The following LIN7A variants were observed in gnomAD, a reference collection of about 807,000 sequenced individuals.
The protein encoded by LIN7A is protein lin-7 homolog A.
A neutral mutation model predicts 29.8 loss-of-function variants in LIN7A; 25 were observed. That is an observed-to-expected ratio of 0.84 (90% confidence interval 0.61 to 1.17). The LOEUF (loss-of-function observed/expected upper bound fraction) is 1.17. LIN7A is among the 50% of genes most tolerant of loss of function. The probability of loss-of-function intolerance (pLI) is 0.00; values close to 1 mark genes in which losing one functional copy is unlikely to be tolerated. For missense variants in LIN7A, 239 were observed against 287.0 expected, an observed-to-expected ratio of 0.83 and a Z score of 1.21; for synonymous variants, 118 against 107.5, an observed-to-expected ratio of 1.10 and a Z score of -0.60.
intron 4 of LIN7A, among the ~76,000 whole-genome samples, chr12:80,826,865 T>A (rs1872105900): frequency 6.6e-6 from 1 of 152,090 alleles, no homozygotes; most frequent in African/African-American, 2.4e-5. Context: ...AATCTATTGA[T>A]GAGTAGAAAG....
chr12:80,798,495 T>TTGAAAACCG (rs1870562111), intron 5 of LIN7A, among the ~76,000 whole-genome samples: 1 of 152,174 alleles, frequency 6.6e-6, no homozygotes, highest in Non-Finnish European at 1.5e-5. Flanking sequence ...ACTGAGTGGA[T>TTGAAAACCG]TGAAAACCGT....
At chr12:80,846,395 T>A (rs923441785) in intron 3 of LIN7A, among the ~76,000 whole-genome samples, 3 of 152,248 alleles carry the variant, frequency 2.0e-5, no homozygotes, top group Non-Finnish European at 2.9e-5. Context: ...AGTTCATAAG[T>A]ATTTTTTTAA....
At chr12:80,886,491 AAAG>A (rs1875333213) in intron 2 of LIN7A, among the ~76,000 whole-genome samples, 2 of 72,468 alleles carry the variant, frequency 2.8e-5, no homozygotes, top group Admixed American at 1.1e-4. Flanking sequence ...TAAGAATAAT[AAAG>A]AAATTCCAAA....
At chr12:80,892,861 C>T (rs1875696874) in intron 1 of LIN7A, among the ~76,000 whole-genome samples, 1 of 152,088 alleles carries the variant, frequency 6.6e-6, no homozygotes. Context: ...ATTTTAAATC[C>T]CCTGTGTGAT....
At chr12:80,844,427 A>T (rs1872963773) in intron 4 of LIN7A, among the ~76,000 whole-genome samples, 1 of 152,224 alleles carries the variant, frequency 6.6e-6, no homozygotes, top group African/African-American at 2.4e-5. Flanking sequence ...CAAATGAATA[A>T]AATTCAAGAT....
chr12:80,866,815 C>T lies in LIN7A; in HGVS notation c.202-18493G>A, dbSNP rs747255335. 2.0e-5 allele frequency among the ~76,000 whole-genome samples: 3 copies of T among 152,114 alleles called. No homozygotes were observed. In the East Asian group the frequency reaches 5.8e-4, roughly 29 times the overall value. On this transcript the variant is annotated intron_variant, in intron 2 of 5. Transcript: ENST00000552864. ...TCATGAAGAACACCAGGTTTTTACACCTCTGGAATTCTTAGAATGCCAGCT... is the reference window on the plus strand; with the variant it reads ...TCATGAAGAACACCAGGTTTTTACATCTCTGGAATTCTTAGAATGCCAGCT...
intron 4 of LIN7A, among the ~76,000 whole-genome samples, chr12:80,821,194 C>T (rs1285074265): frequency 1.3e-5 from 2 of 152,164 alleles, no homozygotes; most frequent in Non-Finnish European, 2.9e-5. Flanking sequence ...GGATTGGGGT[C>T]AGGAGGATCT....
intron 1 of LIN7A, among the ~76,000 whole-genome samples, chr12:80,906,618 A>G (rs561040171): frequency 1.6e-4 from 25 of 152,126 alleles, no homozygotes; most frequent in Admixed American, 1.4e-3. Flanking sequence ...CATAGTGATT[A>G]GAAAGGAGCC....
chr12:80,861,724 A>G (rs1024285463), intron 2 of LIN7A, among the ~76,000 whole-genome samples: 5 of 152,224 alleles, frequency 3.3e-5, no homozygotes, highest in Non-Finnish European at 4.4e-5. Flanking sequence ...TAACCTGCAG[A>G]CAATCTCACA....
intron 2 of LIN7A, among the ~76,000 whole-genome samples, chr12:80,849,614 G>A (rs1031486922): frequency 1.3e-5 from 2 of 151,900 alleles, no homozygotes; most frequent in Admixed American, 6.6e-5. Flanking sequence ...AGGTGATAAG[G>A]GCAAATACCT....
chr12:80,821,042 C>T (rs914114414), intron 4 of LIN7A, among the ~76,000 whole-genome samples: 16 of 152,148 alleles, frequency 1.1e-4, no homozygotes, highest in African/African-American at 3.4e-4. Flanking sequence ...CCTACATATC[C>T]GCCAAGAACT....
At chr12:80,881,656 CAT>C (rs1565913877) in intron 2 of LIN7A, among the ~76,000 whole-genome samples, 5 of 151,648 alleles carry the variant, frequency 3.3e-5, no homozygotes, top group Admixed American at 6.6e-5. Context: ...TGTACACACA[CAT>C]ATATATATGT....
At chr12:80,929,536 C>T (rs969293426) in intron 1 of LIN7A, among the ~76,000 whole-genome samples, 1 of 152,144 alleles carries the variant, frequency 6.6e-6, no homozygotes, top group Non-Finnish European at 1.5e-5. Context: ...ATGCAATCAT[C>T]CACTTTATGT....
chr12:80,921,314 T>C (rs190540696), intron 1 of LIN7A, among the ~76,000 whole-genome samples: 37 of 151,932 alleles, frequency 2.4e-4, no homozygotes, highest in African/African-American at 8.5e-4. Flanking sequence ...ACCTAGTCTA[T>C]GGTATTTTAT....
At chr12:80,883,459 A>T (rs956144239) in intron 2 of LIN7A, among the ~76,000 whole-genome samples, 2 of 152,198 alleles carry the variant, frequency 1.3e-5, no homozygotes, top group African/African-American at 4.8e-5. Flanking sequence ...TATTTTAATT[A>T]TTGATGGTGG....
At chr12:80,802,156 G>T (rs377352906) in intron 5 of LIN7A, among the ~76,000 whole-genome samples, 15 of 152,168 alleles carry the variant, frequency 9.9e-5, no homozygotes, top group African/African-American at 3.4e-4. Flanking sequence ...GCCTCCCAAA[G>T]TGCTGGAATT....
At chr12:80,804,538 GA>G (rs1307391802) in intron 5 of LIN7A, among the ~76,000 whole-genome samples, 2 of 148,710 alleles carry the variant, frequency 1.3e-5, no homozygotes, top group Middle Eastern at 3.3e-3. Flanking sequence ...GCAAATTACT[GA>G]ATTTTTTTTT....
At chr12:80,932,776 C>T (rs1198952963) in intron 1 of LIN7A, among the ~76,000 whole-genome samples, 1 of 152,166 alleles carries the variant, frequency 6.6e-6, no homozygotes, top group African/African-American at 2.4e-5. Context: ...TTTAGAAAGT[C>T]CCTAAATCCA....
chr12:80,801,682 T>C (rs1311343322), intron 5 of LIN7A, among the ~76,000 whole-genome samples: 2 of 152,196 alleles, frequency 1.3e-5, no homozygotes, highest in African/African-American at 4.8e-5. Context: ...ACTTATTTTT[T>C]GTGGTGGAAA....
Sources: allele counts gnomAD v4.1 joint callset (sites outside exome capture counted in the v4.1 genomes callset), GRCh38; gene constraint gnomAD v4.1.1; transcripts MANE v1.5; gene names NCBI Gene and HGNC (gene_info 2026-07-23, HGNC 2026-07-21).